FER1L6: variants seen among roughly 807,000 people sequenced by gnomAD.
FER1L6 encodes fer-1 like family member 6.
In FER1L6, 177 loss-of-function variants were observed where a neutral mutation model predicts 219.2. The observed-to-expected ratio is 0.81, with a 90% CI of 0.71 to 0.91. The LOEUF (loss-of-function observed/expected upper bound fraction) is 0.91, where lower values mean the gene tolerates loss of function less well. FER1L6 is among the 40% of genes least tolerant of loss of function. The pLI, the probability that FER1L6 is intolerant of heterozygous loss-of-function variation, is 0.00. For missense variants in FER1L6, 2,153 were observed against 2,259.9 expected (o/e 0.95, Z 0.96); for synonymous variants, 768 against 824.3 (o/e 0.93, Z 1.17).
chr8:124,071,590 A>G lies in FER1L6; in HGVS notation c.4051A>G (p.Asn1351Asp), dbSNP rs200430005. The G allele has an allele frequency of 3.2e-4, 518 of 1,614,100 alleles. No homozygotes were observed. Among genetic ancestry groups the G allele is most frequent in the Middle Eastern group, 4.9e-4 (3 of 6,062 alleles). ...QLRIQQGIPP[N>D]HPVTVLIRVY... ...GAGAATCCAGCAAGGGATTCCGCCC[A>G]ATCACCCTGTCACAGTGCTGATCAG... is the stretch of plus-strand genomic sequence containing the variant. The change falls in exon 31 of 41, where the codon AAT becomes GAT. Residue 1351 changes from asparagine to aspartate, a missense_variant. Coordinates refer to ENST00000522917, the MANE Select transcript of FER1L6 (RefSeq NM_001039112.2).
At chr8:124,010,135 T>C (rs1315243449) in intron 13 of FER1L6, among the ~76,000 whole-genome samples, 1 of 151,876 alleles carries the variant, frequency 6.6e-6, no homozygotes, top group African/African-American at 2.4e-5. Context: ...TTTAGGGTCG[T>C]GGAGCTGCAG....
intron 1 of FER1L6, among the ~76,000 whole-genome samples, chr8:123,897,558 C>T (rs77513649): frequency 2.1e-3 from 314 of 152,198 alleles, no homozygotes; most frequent in Middle Eastern, 3.4e-3. Flanking sequence ...AACATAATTA[C>T]GTACAGAAAT....
chr8:123,949,345 A>G (rs1586502967), intron 1 of FER1L6, among the ~76,000 whole-genome samples: 2 of 152,116 alleles, frequency 1.3e-5, no homozygotes, highest in African/African-American at 4.8e-5. Flanking sequence ...TCCAATGTCC[A>G]CAGCATCAAA....
At chr8:123,984,919 C>G (rs1311393859) in intron 11 of FER1L6, 2 of 152,172 alleles carry the variant, frequency 1.3e-5, no homozygotes, top group African/African-American at 4.8e-5. Context: ...ATTGCAAAAC[C>G]AGGAAGCACA....
At chr8:123,862,360 G>A (rs1391703968) in intron 1 of FER1L6, among the ~76,000 whole-genome samples, 2 of 127,340 alleles carry the variant, frequency 1.6e-5, no homozygotes, top group African/African-American at 6.7e-5. Flanking sequence ...GCTTTTTGAT[G>A]TGCTGCTGGA....
chr8:124,003,239 A>T lies in FER1L6; in HGVS notation c.1592A>T (p.Asp531Val). The T allele has an allele frequency of 1.9e-6, 3 of 1,613,766 alleles. No individual in the cohort carries two copies. Among genetic ancestry groups the T allele is most frequent in the Non-Finnish European group, 2.5e-6 (3 of 1,179,920 alleles). ...AAGTCAGCTGAATCAGCTGAAGAAG[A>T]CCTCCTTCCACTGCTTCACGAAGGG... ...SKKSAESAEE[D>V]LLPLLHEGQG... The change falls in exon 13 of 41, where the codon GAC (aspartate) becomes GTC (valine). Residue 531 changes from aspartate (D) to valine (V), a missense_variant. By Grantham distance (152) the Asp-to-Val change is radical (BLOSUM62 -3). Transcript: ENST00000522917.
chr8:124,101,319 G>A lies in FER1L6; in HGVS notation c.5106G>A (p.Leu1702=). 6.2e-7 allele frequency: 1 copy of A among 1,613,282 alleles called. No homozygotes were observed. The highest frequency in any genetic ancestry group is 8.5e-7 in the Non-Finnish European group (1 of 1,179,334). ...LVLQVWDFER[L]SSDDFLGTLE... ...TGCAGGTTTGGGATTTTGAAAGGCT[G>A]TCCTCAGATGACTTCCTGGGTAAGC... The change falls in exon 38 of 41, where the codon CTG becomes CTA. Residue 1702 remains leucine (L), a synonymous_variant. Transcript: ENST00000522917.
chr8:124,017,431 T>C (rs1174809437), intron 15 of FER1L6, among the ~76,000 whole-genome samples, 197 bp from the exon 16 acceptor site: 1 of 152,176 alleles, frequency 6.6e-6, no homozygotes, highest in Non-Finnish European at 1.5e-5. Context: ...TAATGTTGGG[T>C]CTGGGCATCA....
chr8:123,966,158 G>A lies in FER1L6; in HGVS notation c.253-1G>A, dbSNP rs769987724. On this transcript the variant is annotated splice_acceptor_variant, in intron 4 of 40. Coordinates refer to ENST00000522917, the MANE Select transcript of FER1L6 (RefSeq NM_001039112.2). LOFTEE classifies it high-confidence loss of function. ...GGTGTCCACACTGCTTTGTGTTGCA[G>A]ATTGCCATAACCATCACCGAGGCTC... The A allele has an allele frequency of 6.2e-7, 1 of 1,613,996 alleles. No individual in the cohort carries two copies. The highest frequency in any genetic ancestry group is 2.2e-5 in the East Asian group (1 of 44,856).
chr8:123,854,970 A>G (rs751130380), intron 1 of FER1L6, among the ~76,000 whole-genome samples: 2 of 152,214 alleles, frequency 1.3e-5, no homozygotes, highest in Non-Finnish European at 2.9e-5. Flanking sequence ...GTACATTCAC[A>G]ATGGCTTACA....
At chr8:123,903,843 A>G (rs1812901759) in intron 1 of FER1L6, among the ~76,000 whole-genome samples, 1 of 152,202 alleles carries the variant, frequency 6.6e-6, no homozygotes, top group African/African-American at 2.4e-5. Flanking sequence ...GAAGCAAGAC[A>G]AGGGATGCTG....
At chr8:124,069,791 C>G (rs1281862971) in intron 29 of FER1L6, among the ~76,000 whole-genome samples, 2 of 152,220 alleles carry the variant, frequency 1.3e-5, no homozygotes, top group Non-Finnish European at 2.9e-5. Context: ...AATGTGTACA[C>G]ACTCAAGGTA....
intron 1 of FER1L6, among the ~76,000 whole-genome samples, chr8:123,930,295 C>G (rs1010990426): frequency 1.3e-5 from 2 of 152,126 alleles, no homozygotes; most frequent in South Asian, 4.1e-4. Flanking sequence ...CCACAAGGAT[C>G]CCACATGTTG....
At chr8:123,968,681 G>T (rs1169754771) in intron 5 of FER1L6, among the ~76,000 whole-genome samples, 1 of 152,182 alleles carries the variant, frequency 6.6e-6, no homozygotes, top group African/African-American at 2.4e-5. Context: ...CTGAAATGTT[G>T]TATGTATTGT....
In FER1L6 at chr8:124,092,982, CCTGA is replaced by C. The variant is rs1234188510; in HGVS notation, c.4552+1402_4552+1405del. ...GGGATTACAGGCATGCGCCACCATA[CCTGA>C]CTAATTTTTGTATTTTTAGTAGAGT... On this transcript the variant is annotated intron_variant, in intron 34 of 40. Coordinates refer to ENST00000522917, the MANE Select transcript of FER1L6 (RefSeq NM_001039112.2). 3.3e-5 allele frequency among the ~76,000 whole-genome samples: 5 copies of C among 151,806 alleles called. No individual in the cohort carries two copies. The East Asian group carries it at 9.7e-4, about 29-fold the overall frequency.
At chr8:124,037,576 G>A (rs114343411) in intron 19 of FER1L6, among the ~76,000 whole-genome samples, 2,700 of 152,260 alleles carry the variant, frequency 0.018, 89 homozygotes, top group African/African-American at 0.061. Context: ...AACTTTCACC[G>A]CAAATACCTG....
At position 124,034,921 on chromosome 8, in the gene FER1L6, C is replaced by G. The variant is rs1268651742; in HGVS notation, c.2287-356C>G. On this transcript the variant is annotated intron_variant, in intron 18 of 40. Transcript: ENST00000522917. ...TCGTCTCTGTCACTTAAAAACTGAG[C>G]CATCACAGGCAACTTACTTTATCTC... Among the ~76,000 whole-genome samples the G allele has an allele frequency of 3.3e-5, 5 of 152,304 alleles. No homozygotes were observed. In the East Asian group the frequency reaches 9.7e-4, roughly 29 times the overall value.
intron 20 of FER1L6, among the ~76,000 whole-genome samples, chr8:124,045,205 T>C (rs1218720471): frequency 2.6e-5 from 4 of 152,224 alleles, no homozygotes; most frequent in Admixed American, 2.6e-4. Context: ...TTCTCATTCA[T>C]AAAATGGGGA....
chr8:124,039,912 T>C lies in FER1L6; in HGVS notation c.2495T>C (p.Met832Thr), dbSNP rs1208982966. 1.9e-6 allele frequency: 3 copies of C among 1,614,112 alleles called. No homozygotes were observed. The highest frequency in any genetic ancestry group is 1.7e-6 in the Non-Finnish European group (2 of 1,179,982). Residue 832 changes from methionine to threonine, a missense_variant, in exon 20 of 41, where the codon ATG becomes ACG. Met to Thr is a moderately conservative substitution (Grantham distance 81). Coordinates refer to ENST00000522917, the MANE Select transcript of FER1L6 (RefSeq NM_001039112.2). ...EQHVFQLRAH[M>T]YQARGLIAAD... Reference sequence around the variant, plus strand: ...CATGTTTTTCAGCTGAGGGCTCACATGTACCAAGCCCGGGGCCTCATCGCA... The same window carrying C: ...CATGTTTTTCAGCTGAGGGCTCACACGTACCAAGCCCGGGGCCTCATCGCA...
Sources: allele counts gnomAD v4.1 joint callset (sites outside exome capture counted in the v4.1 genomes callset), GRCh38; gene constraint gnomAD v4.1.1; transcripts MANE v1.5; gene names NCBI Gene and HGNC (gene_info 2026-07-23, HGNC 2026-07-21).